Variants in MMP26 observed in about 807,000 individuals in gnomAD.
MMP26 encodes the protein matrix metalloproteinase-26.
In MMP26, 33 loss-of-function variants were observed where a neutral mutation model predicts 31.0. The observed-to-expected ratio is 1.06, with a 90% CI of 0.81 to 1.42. MMP26 has a LOEUF of 1.42. MMP26 is among the 40% of genes most tolerant of loss of function. The pLI is 0.00. For missense variants in MMP26, 347 were observed against 316.1 expected, an observed-to-expected ratio of 1.10 and a Z score of -0.74; for synonymous variants, 122 against 114.9, an observed-to-expected ratio of 1.06 and a Z score of -0.40.
intron 2 of MMP26, chr11:4,794,362 T>C (rs1317821353): frequency 1.3e-5 from 2 of 152,074 alleles, no homozygotes; most frequent in African/African-American, 4.8e-5. Flanking sequence ...CAAGATCGGG[T>C]CTCTGGTGAG....
intron 2 of MMP26, 139 bp from the exon 3 acceptor site, chr11:4,987,929 A>G (rs921677326): frequency 6.6e-6 from 3 of 452,630 alleles, no homozygotes; most frequent in African/African-American, 2.0e-5. Flanking sequence ...TGCCCCCTAT[A>G]TTCTGAGACT....
chr11:4,829,239 T>G, intron 2 of MMP26, among the ~76,000 whole-genome samples: 1 of 152,152 alleles, frequency 6.6e-6, no homozygotes, highest in Non-Finnish European at 1.5e-5. Flanking sequence ...TTAAGCCAAC[T>G]AGGCCCATGT....
intron 2 of MMP26, among the ~76,000 whole-genome samples, chr11:4,974,815 G>A (rs929126798): frequency 1.3e-5 from 2 of 152,090 alleles, no homozygotes; most frequent in African/African-American, 4.8e-5. Context: ...GGACATGGAT[G>A]GGGCTGGAAG....
intron 2 of MMP26, among the ~76,000 whole-genome samples, chr11:4,887,271 T>C (rs1020049638): frequency 6.6e-6 from 1 of 152,100 alleles, no homozygotes; most frequent in African/African-American, 2.4e-5. Context: ...TTTACTCTTA[T>C]ATCTCTGTTT....
At chr11:4,822,203 C>G in intron 2 of MMP26, 1 of 1,596,894 alleles carries the variant, frequency 6.3e-7, no homozygotes, top group East Asian at 2.2e-5. Flanking sequence ...ATCAGTTTGT[C>G]TCTTGTCCAT....
intron 2 of MMP26, among the ~76,000 whole-genome samples, chr11:4,839,698 C>T (rs535789797): frequency 6.6e-6 from 1 of 151,678 alleles, no homozygotes; most frequent in African/African-American, 2.4e-5. Context: ...TACCCAGGTA[C>T]TACGTCAAGA....
chr11:4,777,208 A>G (rs976848054), intron 2 of MMP26, among the ~76,000 whole-genome samples: 1 of 152,188 alleles, frequency 6.6e-6, no homozygotes, highest in African/African-American at 2.4e-5. Context: ...CCTATGTGCC[A>G]TGAGATTTGG....
chr11:4,861,498 T>G (rs191437230), intron 2 of MMP26, among the ~76,000 whole-genome samples: 290 of 151,738 alleles, frequency 1.9e-3, no homozygotes, highest in African/African-American at 6.8e-3. Context: ...TATGTATATA[T>G]ATATAGAGAG....
At chr11:4,787,322 CA>C (rs1273606746) in intron 2 of MMP26, 1 of 152,250 alleles carries the variant, frequency 6.6e-6, no homozygotes, top group Non-Finnish European at 1.5e-5. Flanking sequence ...CTTAAAGTTG[CA>C]TGTTCTGATT....
chr11:4,724,044 G>T, intron 1 of MMP26: 1 of 662,788 alleles, frequency 1.5e-6, no homozygotes, highest in African/African-American at 1.8e-5. Flanking sequence ...GGAAGCTGCT[G>T]GTACCACTGG....
In MMP26 at chr11:4,907,426, A is replaced by G. The variant is rs555644363; in HGVS notation, c.-144-80642A>G. 44 of 1,613,886 alleles carry G rather than the reference A, an allele frequency of 2.7e-5. 1 individual carries two copies. In the East Asian group the frequency reaches 7.4e-4, roughly 27 times the overall value. On this transcript the variant is annotated intron_variant, in intron 2 of 7. Coordinates refer to ENST00000380390, the MANE Select transcript of MMP26 (RefSeq NM_021801.5). ...TTTTCCTTCTGATTGGGATCCCAGG[A>G]CTGGAACATGCCCACATTTGGTTCT...
intron 1 of MMP26, chr11:4,723,073 C>T: frequency 7.9e-7 from 1 of 1,263,268 alleles, no homozygotes; most frequent in Non-Finnish European, 1.2e-6. Context: ...GGTACCCATG[C>T]AGCTGTCACG....
intron 2 of MMP26, among the ~76,000 whole-genome samples, chr11:4,899,335 G>A (rs940550634): frequency 2.6e-5 from 4 of 152,102 alleles, no homozygotes; most frequent in Non-Finnish European, 4.4e-5. Context: ...AAGAAGACAC[G>A]ATCATGAAAA....
chr11:4,741,977 G>A (rs1338830352), intron 1 of MMP26, among the ~76,000 whole-genome samples: 2 of 152,158 alleles, frequency 1.3e-5, no homozygotes, highest in Non-Finnish European at 2.9e-5. Flanking sequence ...CATTTGATCT[G>A]TGCGCCATAC....
At chr11:4,769,693 C>G in intron 2 of MMP26, 1 of 1,613,176 alleles carries the variant, frequency 6.2e-7, no homozygotes, top group South Asian at 1.1e-5. Flanking sequence ...AAGAAACAGT[C>G]AAGCCCAGAT....
At chr11:4,781,149 G>T (rs1005675761) in intron 2 of MMP26, among the ~76,000 whole-genome samples, 2 of 152,256 alleles carry the variant, frequency 1.3e-5, no homozygotes, top group African/African-American at 4.8e-5. Context: ...AGGCATAAGA[G>T]AATATTTTGA....
At chr11:4,804,071 CCT>C (rs1197341824) in intron 2 of MMP26, 1 of 1,613,894 alleles carries the variant, frequency 6.2e-7, no homozygotes, top group Non-Finnish European at 8.5e-7. Flanking sequence ...ATGAAGAACA[CCT>C]GGATGAGGCA....
At chr11:4,887,267 CTT>C (rs761485497) in intron 2 of MMP26, among the ~76,000 whole-genome samples, 6 of 151,912 alleles carry the variant, frequency 3.9e-5, no homozygotes, top group Non-Finnish European at 5.9e-5. Context: ...TCAGTTTACT[CTT>C]ATATCTCTGT....
intron 2 of MMP26, among the ~76,000 whole-genome samples, chr11:4,887,158 T>C (rs183423065): frequency 9.4e-4 from 143 of 152,188 alleles, no homozygotes; most frequent in Non-Finnish European, 1.7e-3. Flanking sequence ...CTCATTGATT[T>C]GTTGAGTAAA....
Sources: allele counts gnomAD v4.1 joint callset (sites outside exome capture counted in the v4.1 genomes callset), GRCh38; gene constraint gnomAD v4.1.1; transcripts MANE v1.5; gene names NCBI Gene and HGNC (gene_info 2026-07-23, HGNC 2026-07-21).